Variants in GP5 observed in about 807,000 individuals in gnomAD.
GP5 encodes glycoprotein V platelet, also known as platelet glycoprotein V.
For missense variants in GP5, 755 were observed against 737.1 expected, an observed-to-expected ratio of 1.02 and a Z score of -0.28; for synonymous variants, 382 against 353.9, an observed-to-expected ratio of 1.08 and a Z score of -0.89.
In GP5 at chr3:194,395,204, G is replaced by A. The variant is rs191208101; in HGVS notation, c.*1396C>T. ...TCTTACCCAAAGTCCCATGCAGTTAGTAAGTGGTAGAGCTGGGATTTGAAC... is the reference window on the plus strand; with the variant it reads ...TCTTACCCAAAGTCCCATGCAGTTAATAAGTGGTAGAGCTGGGATTTGAAC... On this transcript the variant is annotated 3_prime_UTR_variant, in exon 2 of 2. Coordinates refer to ENST00000692618, the MANE Select transcript of GP5 (RefSeq NM_004488.2). The A allele has an allele frequency of 6.6e-6, 1 of 152,348 alleles. No individual in the cohort carries two copies. The highest frequency in any genetic ancestry group is 2.4e-5 in the African/African-American group (1 of 41,580). 9.4% of individuals were successfully genotyped at this position (152,348 alleles called of 1,614,324 possible).
At position 194,396,503 on chromosome 3, in the gene GP5, T is replaced by A; in HGVS notation, c.*97A>T. 2.3e-6 allele frequency: 2 copies of A among 861,354 alleles called. No individual in the cohort carries two copies. Among genetic ancestry groups the A allele is most frequent in the South Asian group, 1.9e-5 (1 of 52,700 alleles). 53.4% of individuals were successfully genotyped at this position (861,354 alleles called of 1,614,324 possible). ...GAGAAGAGGAAGAAGAGAGGAGGAG[T>A]GGGGAGGGGAGGGAGAGCAAGACAG... On this transcript the variant is annotated 3_prime_UTR_variant, in exon 2 of 2. Coordinates refer to ENST00000692618, the MANE Select transcript of GP5 (RefSeq NM_004488.2).
In GP5 at chr3:194,396,447, G is replaced by A. The variant is rs916539668; in HGVS notation, c.*153C>T. On this transcript the variant is annotated 3_prime_UTR_variant, in exon 2 of 2. Coordinates refer to ENST00000692618, the MANE Select transcript of GP5 (RefSeq NM_004488.2). ...GAAGAGCACAGAGCGGAGAGGGGGA[G>A]GAGGAGGGAAAGGAAGGCGTGGCAG... is the stretch of plus-strand genomic sequence containing the variant. The A allele has an allele frequency of 4.8e-6, 3 of 624,388 alleles. No homozygotes were observed. Among genetic ancestry groups the A allele is most frequent in the African/African-American group, 3.7e-5 (2 of 54,554 alleles). The allele number at this position is 624,388 out of a possible 1,614,324, so 38.7% of individuals were successfully genotyped here.
chr3:194,394,914 A>G lies in GP5; in HGVS notation c.*1686T>C, dbSNP rs894637091. Reference sequence around the variant, plus strand: ...ACAGACTGATGTGAATGTAACCTCCAGTCTGAGAAAGTTCGGACTTACCCT... The same window carrying G: ...ACAGACTGATGTGAATGTAACCTCCGGTCTGAGAAAGTTCGGACTTACCCT... On this transcript the variant is annotated 3_prime_UTR_variant, in exon 2 of 2. Transcript: ENST00000692618. The G allele has an allele frequency of 3.3e-5, 5 of 152,266 alleles. No homozygotes were observed. Among genetic ancestry groups the G allele is most frequent in the Admixed American group, 2.0e-4 (3 of 15,288 alleles). The allele number at this position is 152,266 out of a possible 1,614,324, so 9.4% of individuals were successfully genotyped here. A position where few individuals can be genotyped will look rare whatever the true frequency, so the allele number is the denominator to read the frequency against.
At position 194,396,511 on chromosome 3, in the gene GP5, G is replaced by A; in HGVS notation, c.*89C>T. The A allele has an allele frequency of 9.8e-7, 1 of 1,015,766 alleles. No individual in the cohort carries two copies. The highest frequency in any genetic ancestry group is 1.6e-5 in the African/African-American group (1 of 61,894). The allele number at this position is 1,015,766 out of a possible 1,614,324, so 62.9% of individuals were successfully genotyped here. A position where few individuals can be genotyped will look rare whatever the true frequency, so the allele number is the denominator to read the frequency against. On this transcript the variant is annotated 3_prime_UTR_variant, in exon 2 of 2. Transcript: ENST00000692618. ...GAAGAAGAGAGGAGGAGTGGGGAGG[G>A]GAGGGAGAGCAAGACAGCAGCGGGT...
chr3:194,397,184 G>T lies in GP5; in HGVS notation c.1099C>A (p.Gln367Lys). 2 of 1,573,304 alleles carry T rather than the reference G, an allele frequency of 1.3e-6. No homozygotes were observed. Among genetic ancestry groups the T allele is most frequent in the Non-Finnish European group, 1.7e-6 (2 of 1,167,704 alleles). The change falls in exon 2 of 2, where the codon CAG becomes AAG. Residue 367 changes from glutamine (Q) to lysine (K), a missense_variant. By Grantham distance (53) the Gln-to-Lys change is moderately conservative. Transcript: ENST00000692618. This position sits in a 1 kb window ranked among gnomAD's most constrained non-coding sequence, Gnocchi z 7.2. The stretch of plus-strand genomic sequence containing the variant: ...AGCCTGTTGCGGCGCAGGGACACCT[G>T]GCGCAGCTTGCCGAGGCCGCGCAGC... ...GLLRGLGKLR[Q>K]VSLRRNRLRA...
chr3:194,397,960 T>C lies in GP5; in HGVS notation c.323A>G (p.Asn108Ser). 6.2e-7 allele frequency: 1 copy of C among 1,614,188 alleles called. No individual in the cohort carries two copies. Among genetic ancestry groups the C allele is most frequent in the Non-Finnish European group, 8.5e-7 (1 of 1,180,028 alleles). Residue 108 changes from asparagine to serine, a missense_variant, in exon 2 of 2, where the codon AAC (asparagine) becomes AGC (serine). Coordinates refer to ENST00000692618, the MANE Select transcript of GP5 (RefSeq NM_004488.2). The surrounding 1 kb of genome is among the most constrained non-coding windows in gnomAD (Gnocchi z 7.2). The part of the protein sequence containing the change: ...IKLKTLRLSR[N>S]KITHLPGALL... ...CGCACCTGGAAGATGCGTGATTTTG[T>C]TGCGCGACAGCCTCAGGGTTTTCAG...
rs1714440258 is a variant in GP5, at chr3:194,395,993, G to A, written c.*607C>T. ...GGAGGCGGAGGCTGCAGTGAACTGAGACGGCCCACTGCACGCCAGCCTGGG... is the reference window on the plus strand; with the variant it reads ...GGAGGCGGAGGCTGCAGTGAACTGAAACGGCCCACTGCACGCCAGCCTGGG... On this transcript the variant is annotated 3_prime_UTR_variant, in exon 2 of 2. Transcript: ENST00000692618. 1 of 152,580 alleles carries A rather than the reference G, an allele frequency of 6.6e-6. No individual in the cohort carries two copies. The highest frequency in any genetic ancestry group is 1.9e-4 in the East Asian group (1 of 5,204). 9.5% of individuals were successfully genotyped at this position (152,580 alleles called of 1,614,324 possible).
Position 194,397,251 on chromosome 3 carries a change from G to T in GP5, c.1032C>A (p.Leu344=). 2 of 1,576,936 alleles carry T rather than the reference G, an allele frequency of 1.3e-6. No homozygotes were observed. Among genetic ancestry groups the T allele is most frequent in the Admixed American group, 1.8e-5 (1 of 56,578 alleles). ...CGGTCAGGCCGTTGGAGTGCAGGGC[G>T]AGCACCTGGAGCTCGCCAAGGCCCT... ...AFQGLGELQV[L]ALHSNGLTAL... Residue 344 remains leucine, a synonymous_variant, in exon 2 of 2, where the codon CTC becomes CTA. Transcript: ENST00000692618. The surrounding 1 kb of genome is among the most constrained non-coding windows in gnomAD (Gnocchi z 7.2).
Position 194,397,976 on chromosome 3 carries a change from G to A in GP5, c.307C>T (p.Leu103=). Residue 103 remains leucine (L), a synonymous_variant, in exon 2 of 2, where the codon CTG becomes TTG. Coordinates refer to ENST00000692618, the MANE Select transcript of GP5 (RefSeq NM_004488.2). This position sits in a 1 kb window ranked among gnomAD's most constrained non-coding sequence, Gnocchi z 7.2. ...GTGATTTTGTTGCGCGACAGCCTCAGGGTTTTCAGTTTTATCAGGTCACTG... is the reference window on the plus strand; with the variant it reads ...GTGATTTTGTTGCGCGACAGCCTCAAGGTTTTCAGTTTTATCAGGTCACTG... ...TFSDLIKLKT[L]RLSRNKITHL... 1 of 1,614,198 alleles carries A rather than the reference G, an allele frequency of 6.2e-7. No individual in the cohort carries two copies.
intron 1 of GP5, 96 bp from the exon 2 acceptor site, chr3:194,398,380 T>C (rs1250777809): frequency 1.7e-6 from 2 of 1,190,436 alleles, no homozygotes; most frequent in Non-Finnish European, 2.3e-6. Context: ...GGCACAATCC[T>C]TTCGCCAGAA....
At chr3:194,398,432 T>C (rs1017062600) in intron 1 of GP5, 148 bp from the exon 2 acceptor site, 18 of 750,436 alleles carry the variant, frequency 2.4e-5, no homozygotes, top group Non-Finnish European at 3.9e-5. Context: ...TTTCCCTACG[T>C]GGTGAAAAGA....
chr3:194,397,129 T>G lies in GP5; in HGVS notation c.1154A>C (p.Asn385Thr). The G allele has an allele frequency of 6.3e-7, 1 of 1,589,822 alleles. No individual in the cohort carries two copies. Among genetic ancestry groups the G allele is most frequent in the Non-Finnish European group, 8.5e-7 (1 of 1,176,024 alleles). ...LRALPRALFR[N>T]LSSLESVQLD... ...CTGGACGCTCTCCAGGCTGCTGAGA[T>G]TGCGGAAGAGGGCACGGGGCAGGGC... The change falls in exon 2 of 2, where the codon AAT (asparagine) becomes ACT (threonine). Residue 385 changes from asparagine (N) to threonine (T), a missense_variant. Asn to Thr is a moderately conservative substitution (Grantham distance 65). Transcript: ENST00000692618. This position sits in a 1 kb window ranked among gnomAD's most constrained non-coding sequence, Gnocchi z 7.2.
In GP5 at chr3:194,397,329, G is replaced by A. The variant is rs773186091; in HGVS notation, c.954C>T (p.Tyr318=). The A allele has an allele frequency of 8.1e-6, 13 of 1,597,692 alleles. No individual in the cohort carries two copies. The African/African-American group carries it at 1.6e-4, about 20-fold the overall frequency. ...AAFRNLSRLR[Y]LGVTLSPRLS... ...GCCGCGGGCTCAGAGTCACCCCTAA[G>A]TACCGCAGGCGGCTCAGGTTGCGGA... The change falls in exon 2 of 2, where the codon TAC becomes TAT. Residue 318 remains tyrosine (Y), a synonymous_variant. Transcript: ENST00000692618. This position sits in a 1 kb window ranked among gnomAD's most constrained non-coding sequence, Gnocchi z 7.2.
Position 194,397,753 on chromosome 3 carries a change from A to G in GP5, c.530T>C (p.Leu177Ser), listed in dbSNP as rs756906495. ...CAGGTGGGTCAGGTTGTTTCCCGAT[A>G]AATCCAACAACTTCAGGTTCTCCAG... ...TNLENLKLLD[L>S]SGNNLTHLPK... is the part of the protein sequence containing the mutation. The change falls in exon 2 of 2, where the codon TTA (leucine) becomes TCA (serine). Residue 177 changes from leucine (L) to serine (S), a missense_variant. Leu to Ser is a moderately radical substitution (Grantham distance 145). Transcript: ENST00000692618. The surrounding 1 kb of genome is among the most constrained non-coding windows in gnomAD (Gnocchi z 7.2). 1 of 1,613,802 alleles carries G rather than the reference A, an allele frequency of 6.2e-7. No individual in the cohort carries two copies. The highest frequency in any genetic ancestry group is 1.7e-5 in the Admixed American group (1 of 60,014).
rs373377330 is a variant in GP5 at position 194,398,193 on chromosome 3, C to T, written c.90G>A (p.Arg30=). 11 of 1,612,728 alleles carry T rather than the reference C, an allele frequency of 6.8e-6. No individual in the cohort carries two copies. The highest frequency in any genetic ancestry group is 5.9e-6 in the Non-Finnish European group (7 of 1,179,702). ...PCPPACKCVF[R]DAAQCSGGDV... ...CGCCCCCCGAGCACTGCGCGGCGTC[C>T]CGGAAGACACACTTGCAAGCTGGCG... The change falls in exon 2 of 2, where the codon CGG becomes CGA. Residue 30 remains arginine (R), a synonymous_variant. Transcript: ENST00000692618.
chr3:194,397,824 C>T lies in GP5; in HGVS notation c.459G>A (p.Leu153=). 6.2e-7 allele frequency: 1 copy of T among 1,614,098 alleles called. No homozygotes were observed. Among genetic ancestry groups the T allele is most frequent in the Admixed American group, 1.7e-5 (1 of 60,018 alleles). Residue 153 remains leucine (L), a synonymous_variant, in exon 2 of 2, where the codon CTG becomes CTA. Transcript: ENST00000692618. The surrounding 1 kb of genome is among the most constrained non-coding windows in gnomAD (Gnocchi z 7.2). ...QKLVNLQELA[L]NQNQLDFLPA... ...GAAGGAAATCGAGCTGATTCTGGTT[C>T]AGAGCGAGCTCCTGCAGGTTAACCA...
At position 194,396,929 on chromosome 3, in the gene GP5, C is replaced by CGCACCGTGGGG; in HGVS notation, c.1343_1353dup (p.Ala452ProfsTer63). ...AGGCCGGCGTGCGCCCCAGGGCCTG[C>CGCACCGTGGGG]GCACCGTGGGGGCTCTTCCCCGCCC... is the stretch of plus-strand genomic sequence containing the variant. On this transcript the variant is annotated frameshift_variant, in exon 2 of 2. Transcript: ENST00000692618. LOFTEE classifies it low-confidence loss of function (END_TRUNC). 11 of 1,530,660 alleles carry CGCACCGTGGGG rather than the reference C, an allele frequency of 7.2e-6. No homozygotes were observed. The highest frequency in any genetic ancestry group is 9.6e-6 in the Non-Finnish European group (11 of 1,140,498). 94.8% of individuals were successfully genotyped at this position (1,530,660 alleles called of 1,614,324 possible).
Position 194,396,770 on chromosome 3 carries a change from C to T in GP5, c.1513G>A (p.Val505Met), listed in dbSNP as rs764463615. Residue 505 changes from valine (V) to methionine (M), a missense_variant, in exon 2 of 2, where the codon GTG becomes ATG. Val to Met is a conservative substitution (Grantham distance 21). Coordinates refer to ENST00000692618, the MANE Select transcript of GP5 (RefSeq NM_004488.2). Reference protein sequence around the residue: ...ALAPNSSEPWVWAQPVTTGKG... With the variant: ...ALAPNSSEPWMWAQPVTTGKG... ...CCCGTGGTCACCGGCTGGGCCCACA[C>T]CCAGGGTTCTGAGCTGTTGGGAGCC... The T allele has an allele frequency of 1.9e-6, 3 of 1,613,872 alleles. No individual in the cohort carries two copies. Among genetic ancestry groups the T allele is most frequent in the East Asian group, 2.2e-5 (1 of 44,890 alleles).
chr3:194,397,147 G>A lies in GP5; in HGVS notation c.1136C>T (p.Pro379Leu). The A allele has an allele frequency of 6.3e-7, 1 of 1,585,304 alleles. No individual in the cohort carries two copies. The highest frequency in any genetic ancestry group is 8.5e-7 in the Non-Finnish European group (1 of 1,173,832). Reference protein sequence around the residue: ...SLRRNRLRALPRALFRNLSSL... With the variant: ...SLRRNRLRALLRALFRNLSSL... ...GCTGAGATTGCGGAAGAGGGCACGG[G>A]GCAGGGCGCGCAGCCTGTTGCGGCG... The change falls in exon 2 of 2, where the codon CCC (proline) becomes CTC (leucine). Residue 379 changes from proline (P) to leucine (L), a missense_variant. Transcript: ENST00000692618. This position sits in a 1 kb window ranked among gnomAD's most constrained non-coding sequence, Gnocchi z 7.2.
Sources: allele counts gnomAD v4.1 joint callset, GRCh38; gene constraint gnomAD v4.1.1; non-coding constraint Gnocchi (gnomAD v3.1); transcripts MANE v1.5; gene names NCBI Gene and HGNC (gene_info 2026-07-23, HGNC 2026-07-21).